SAMTOR: variants seen among roughly 807,000 people sequenced by gnomAD.
The protein encoded by SAMTOR is UPF0532 protein C7orf60.
the SAMTOR span, among the ~76,000 whole-genome samples, chr7:112,838,274 G>A: frequency 5.9e-5 from 9 of 151,958 alleles, no homozygotes; most frequent in South Asian, 1.9e-3. Context: ...AATGAGAATC[G>A]ACTGTGTGTA....
the SAMTOR span, among the ~76,000 whole-genome samples, chr7:112,924,184 AAAG>A: frequency 6.6e-6 from 1 of 152,098 alleles, no homozygotes. Flanking sequence ...CCTAAAACTT[AAAG>A]TATAATAATA....
the SAMTOR span, among the ~76,000 whole-genome samples, chr7:112,866,124 T>A: frequency 6.6e-6 from 1 of 152,130 alleles, no homozygotes; most frequent in African/African-American, 2.4e-5. Context: ...TATCCTTAAA[T>A]ACACACAGCT....
chr7:112,845,314 A>G, the SAMTOR span, among the ~76,000 whole-genome samples: 12 of 152,226 alleles, frequency 7.9e-5, no homozygotes, highest in African/African-American at 2.9e-4. Flanking sequence ...TAGCTATAGA[A>G]TGGGAGAAAA....
the SAMTOR span, chr7:112,895,486 GCTCA>G: frequency 1.5e-5 from 15 of 980,668 alleles, no homozygotes; most frequent in East Asian, 2.7e-5. Context: ...CAAGTAAACT[GCTCA>G]CTGTTTAGTA....
chr7:112,872,352 TAA>T, the SAMTOR span, among the ~76,000 whole-genome samples: 1 of 151,992 alleles, frequency 6.6e-6, no homozygotes, highest in African/African-American at 2.4e-5. Flanking sequence ...ATTCACCACA[TAA>T]ACAGAATTAA....
chr7:112,917,202 C>T, the SAMTOR span, among the ~76,000 whole-genome samples: 1 of 152,208 alleles, frequency 6.6e-6, no homozygotes, highest in African/African-American at 2.4e-5. Flanking sequence ...GAGGCACCCC[C>T]CAGTAGGGGC....
chr7:112,935,077 T>G, the SAMTOR span: 1 of 257,560 alleles, frequency 3.9e-6, no homozygotes, highest in Non-Finnish European at 7.7e-6. Flanking sequence ...GTGACAACCT[T>G]CACCTTATTT....
At chr7:112,876,751 T>C in the SAMTOR span, among the ~76,000 whole-genome samples, 3 of 152,236 alleles carry the variant, frequency 2.0e-5, no homozygotes, top group African/African-American at 7.2e-5. Flanking sequence ...ACAGGATGAA[T>C]TGCTTGGCAT....
the SAMTOR span, among the ~76,000 whole-genome samples, chr7:112,829,221 C>G: frequency 6.6e-6 from 1 of 152,016 alleles, no homozygotes; most frequent in Admixed American, 6.6e-5. Context: ...ATTTCCCTTT[C>G]CTTCTGCAAC....
At chr7:112,901,947 T>C in the SAMTOR span, among the ~76,000 whole-genome samples, 2 of 152,288 alleles carry the variant, frequency 1.3e-5, no homozygotes, top group Admixed American at 6.5e-5. Context: ...CAGAGTATTA[T>C]TCAGCAGTAT....
At chr7:112,847,594 T>A in the SAMTOR span, among the ~76,000 whole-genome samples, 1 of 151,664 alleles carries the variant, frequency 6.6e-6, no homozygotes, top group Non-Finnish European at 1.5e-5. Context: ...GCCTGACCAA[T>A]GTGGAGAAAC....
the SAMTOR span, chr7:112,895,509 T>C: frequency 7.9e-7 from 1 of 1,267,484 alleles, no homozygotes; most frequent in Non-Finnish European, 1.1e-6. Context: ...TATGAACCAC[T>C]GCATTATTTC....
chr7:112,864,163 A>G, the SAMTOR span, among the ~76,000 whole-genome samples: 1 of 152,180 alleles, frequency 6.6e-6, no homozygotes, highest in Non-Finnish European at 1.5e-5. Flanking sequence ...CAGATACCAC[A>G]TGTTCTCACT....
the SAMTOR span, among the ~76,000 whole-genome samples, chr7:112,885,783 G>A: frequency 1.3e-5 from 2 of 152,226 alleles, no homozygotes; most frequent in Non-Finnish European, 2.9e-5. Flanking sequence ...AAACTGTTCT[G>A]ACGTCTGCCT....
the SAMTOR span, among the ~76,000 whole-genome samples, chr7:112,844,924 G>C: frequency 6.6e-6 from 1 of 152,100 alleles, no homozygotes; most frequent in Non-Finnish European, 1.5e-5. Flanking sequence ...ACAGAATAGA[G>C]AGCCCAGAAT....
the SAMTOR span, among the ~76,000 whole-genome samples, chr7:112,922,485 G>A: frequency 1.4e-4 from 21 of 151,070 alleles, no homozygotes; most frequent in Admixed American, 5.3e-4. Context: ...GTCTCTGCCC[G>A]GCCGCCATCC....
the SAMTOR span, among the ~76,000 whole-genome samples, chr7:112,924,516 G>C: frequency 6.6e-6 from 1 of 152,120 alleles, no homozygotes; most frequent in Non-Finnish European, 1.5e-5. Context: ...ACATTGTTAA[G>C]ATGACTATAT....
the SAMTOR span, among the ~76,000 whole-genome samples, chr7:112,879,943 C>T: frequency 3.3e-5 from 5 of 152,094 alleles, no homozygotes; most frequent in Non-Finnish European, 7.4e-5. Context: ...AAATTAGATT[C>T]AATTCTAGTT....
At chr7:112,914,763 A>G in the SAMTOR span, among the ~76,000 whole-genome samples, 4 of 152,216 alleles carry the variant, frequency 2.6e-5, no homozygotes, top group Admixed American at 1.3e-4. Context: ...ATTTAAAGCC[A>G]TATTTTTTAA....
Sources: allele counts gnomAD v4.1 joint callset (sites outside exome capture counted in the v4.1 genomes callset), GRCh38; gene constraint gnomAD v4.1.1; transcripts MANE v1.5; gene names NCBI Gene and HGNC (gene_info 2026-07-23, HGNC 2026-07-21).